Variants in SNAI3 observed in about 807,000 individuals in gnomAD.
The protein encoded by SNAI3 is snail family transcriptional repressor 3, also known as zinc finger protein SNAI3.
In SNAI3, 21 loss-of-function variants were observed where a neutral mutation model predicts 16.4. That is an observed-to-expected ratio of 1.28 (90% CI 0.91 to 1.85). The LOEUF is 1.85. Ranked by LOEUF, SNAI3 falls within the 40% of genes most tolerant of loss-of-function variation. The pLI is 0.00. For missense variants in SNAI3, 457 were observed against 372.8 expected, an observed-to-expected ratio of 1.23 and a Z score of -1.86; for synonymous variants, 202 against 166.6, an observed-to-expected ratio of 1.21 and a Z score of -1.64.
Position 88,681,468 on chromosome 16 carries a change from C to A in SNAI3, c.323G>T (p.Ser108Ile). Residue 108 changes from serine to isoleucine, a missense_variant, in exon 2 of 3, where the codon AGC becomes ATC. By Grantham distance (142) the Ser-to-Ile change is moderately radical (BLOSUM62 -2). Coordinates refer to ENST00000332281, the MANE Select transcript of SNAI3 (RefSeq NM_178310.4). The surrounding 1 kb of genome is among the most constrained non-coding windows in gnomAD (Gnocchi z 5.4). ...SRAAIVPLKD[S>I]LNHLNLPPLL... Reference sequence around the variant, plus strand: ...TGGGGGCAGGTTGAGGTGGTTCAGGCTGTCTTTGAGGGGTACAATGGCGGC... The same window carrying A: ...TGGGGGCAGGTTGAGGTGGTTCAGGATGTCTTTGAGGGGTACAATGGCGGC... 6.3e-7 allele frequency: 1 copy of A among 1,591,412 alleles called. No individual in the cohort carries two copies. The highest frequency in any genetic ancestry group is 1.7e-5 in the Admixed American group (1 of 59,042).
Position 88,678,245 on chromosome 16 carries a change from G to A in SNAI3, c.*203C>T, listed in dbSNP as rs1567625833. The stretch of plus-strand genomic sequence containing the variant: ...GGAGTCTCCTCTGAGTGGGCTCCGC[G>A]CGGTGGGATGCCTGGGGGAGTGTCC... On this transcript the variant is annotated 3_prime_UTR_variant, in exon 3 of 3. Transcript: ENST00000332281. The A allele has an allele frequency of 3.6e-6, 2 of 557,748 alleles. No individual in the cohort carries two copies. The highest frequency in any genetic ancestry group is 3.1e-5 in the East Asian group (1 of 32,720). 34.5% of individuals were successfully genotyped at this position (557,748 alleles called of 1,614,324 possible).
chr16:88,679,314 G>T (rs1259583984), intron 2 of SNAI3, among the ~76,000 whole-genome samples: 1 of 152,202 alleles, frequency 6.6e-6, no homozygotes, highest in Non-Finnish European at 1.5e-5. Flanking sequence ...GGGTGTGTGG[G>T]GGGTGTCGTC....
chr16:88,678,414 A>G lies in SNAI3; in HGVS notation c.*34T>C. The G allele has an allele frequency of 5.5e-6, 4 of 733,850 alleles. No individual in the cohort carries two copies. The highest frequency in any genetic ancestry group is 1.0e-5 in the Non-Finnish European group (4 of 400,150). 45.5% of individuals were successfully genotyped at this position (733,850 alleles called of 1,614,324 possible). On this transcript the variant is annotated 3_prime_UTR_variant, in exon 3 of 3. Transcript: ENST00000332281. ...AGGGACGCCAGCTCTCCCGGTGAGG[A>G]CCATCCCTCCTACCTGCGCCGACCA...
intron 2 of SNAI3, among the ~76,000 whole-genome samples, chr16:88,679,251 C>G (rs1473332547): frequency 2.6e-5 from 4 of 152,186 alleles, no homozygotes; most frequent in African/African-American, 9.6e-5. Context: ...TCCCCACACT[C>G]CTCACTCCCA....
At position 88,686,397 on chromosome 16, in the gene SNAI3, A is replaced by G. The variant is rs756272670; in HGVS notation, c.10T>C (p.Ser4Pro). 5.6e-6 allele frequency: 9 copies of G among 1,610,970 alleles called. No individual in the cohort carries two copies. In the Admixed American group the frequency reaches 1.2e-4, roughly 21 times the overall value. The change falls in exon 1 of 3, where the codon TCC becomes CCC. Residue 4 changes from serine (S) to proline (P), a missense_variant. Transcript: ENST00000332281. ...CTGGAGTGCGTTTTCACCAGGAAGGAGCGCGGCATGTTCCCCTCCCGGGCG... is the reference window on the plus strand; with the variant it reads ...CTGGAGTGCGTTTTCACCAGGAAGGGGCGCGGCATGTTCCCCTCCCGGGCG... MPR[S>P]FLVKTHSSHR...
At chr16:88,682,942 T>C (rs1006420554) in intron 1 of SNAI3, among the ~76,000 whole-genome samples, 1 of 151,174 alleles carries the variant, frequency 6.6e-6, no homozygotes, top group Non-Finnish European at 1.5e-5. Flanking sequence ...GCCCGGCTAA[T>C]TTTTTTGTAT....
chr16:88,686,089 C>T, intron 1 of SNAI3: 1 of 541,516 alleles, frequency 1.8e-6, no homozygotes, highest in Non-Finnish European at 3.3e-6. Context: ...ACTTAGAAAA[C>T]TTCTCCAAGT....
At position 88,681,299 on chromosome 16, in the gene SNAI3, C is replaced by T; in HGVS notation, c.492G>A (p.Leu164=). ...CFHCHKPYHT[L]AGLARHRQLH... The stretch of plus-strand genomic sequence containing the variant: ...GCTGCCGGTGCCTGGCCAGCCCGGC[C>T]AGCGTGTGGTAGGGTTTGTGGCAGT... Residue 164 remains leucine (L), a synonymous_variant, in exon 2 of 3, where the codon CTG becomes CTA. Transcript: ENST00000332281. The surrounding 1 kb of genome is among the most constrained non-coding windows in gnomAD (Gnocchi z 5.4). 1 of 1,613,336 alleles carries T rather than the reference C, an allele frequency of 6.2e-7. No homozygotes were observed. The highest frequency in any genetic ancestry group is 8.5e-7 in the Non-Finnish European group (1 of 1,179,924).
At position 88,681,023 on chromosome 16, in the gene SNAI3, T is replaced by C; in HGVS notation, c.697+71A>G. On this transcript the variant is annotated intron_variant, in intron 2 of 2. Transcript: ENST00000332281. The surrounding 1 kb of genome is among the most constrained non-coding windows in gnomAD (Gnocchi z 5.4). ...TTGTTTATAAAATCACCCCTCCTCC[T>C]TTTCTAACTCCCGCAGCCCACCCTC... is the stretch of plus-strand genomic sequence containing the variant. The C allele has an allele frequency of 6.5e-7, 1 of 1,549,356 alleles. No individual in the cohort carries two copies. The highest frequency in any genetic ancestry group is 2.3e-5 in the East Asian group (1 of 44,042).
At chr16:88,682,855 A>T (rs1179356151) in intron 1 of SNAI3, among the ~76,000 whole-genome samples, 2 of 131,774 alleles carry the variant, frequency 1.5e-5, no homozygotes, top group African/African-American at 5.8e-5. Context: ...GTTCACTGTA[A>T]CCTCCACCTC....
At chr16:88,685,884 T>A (rs1350175162) in intron 1 of SNAI3, 1 of 163,218 alleles carries the variant, frequency 6.1e-6, no homozygotes, top group Non-Finnish European at 1.3e-5. Flanking sequence ...ACACCCCCAG[T>A]CAGCATGCTC....
chr16:88,686,280 G>C (rs781293607), intron 1 of SNAI3, 51 bp downstream of exon 1: 1 of 1,590,160 alleles, frequency 6.3e-7, no homozygotes, highest in South Asian at 1.1e-5. Flanking sequence ...TCTCTCTCCC[G>C]CCCCTCAGGG....
At chr16:88,685,503 A>G (rs1013100661) in intron 1 of SNAI3, 2 of 152,236 alleles carry the variant, frequency 1.3e-5, no homozygotes, top group Non-Finnish European at 2.9e-5. Context: ...GGCGCCCCTC[A>G]GTGGGCCTTT....
rs1909157990 is a variant in SNAI3 at position 88,681,313 on chromosome 16, GT to G, written c.477del (p.Lys159AsnfsTer274). The G allele has an allele frequency of 6.2e-7, 1 of 1,613,252 alleles. No individual in the cohort carries two copies. The highest frequency in any genetic ancestry group is 8.5e-7 in the Non-Finnish European group (1 of 1,179,900). ...PGGFECFHCH[K>X]PYHTLAGLAR... The stretch of plus-strand genomic sequence containing the variant: ...GCCAGCCCGGCCAGCGTGTGGTAGG[GT>G]TTGTGGCAGTGGAAGCACTCAAAGC... On this transcript the variant is annotated frameshift_variant, in exon 2 of 3. Transcript: ENST00000332281. LOFTEE classifies it high-confidence loss of function. The surrounding 1 kb of genome is among the most constrained non-coding windows in gnomAD (Gnocchi z 5.4).
chr16:88,678,143 G>A lies in SNAI3; in HGVS notation c.*305C>T, dbSNP rs1021839684. 6.2e-6 allele frequency: 2 copies of A among 324,822 alleles called. No individual in the cohort carries two copies. The highest frequency in any genetic ancestry group is 2.1e-5 in the African/African-American group (1 of 46,786). 20.1% of individuals were successfully genotyped at this position (324,822 alleles called of 1,614,324 possible). On this transcript the variant is annotated 3_prime_UTR_variant, in exon 3 of 3. Coordinates refer to ENST00000332281, the MANE Select transcript of SNAI3 (RefSeq NM_178310.4). ...CACCTCCCCGAGGCTCTGACTCTTGGAAGGGTAGCCCCGGAGACCTGGCCG... is the reference window on the plus strand; with the variant it reads ...CACCTCCCCGAGGCTCTGACTCTTGAAAGGGTAGCCCCGGAGACCTGGCCG...
At chr16:88,682,314 G>A (rs919141573) in intron 1 of SNAI3, among the ~76,000 whole-genome samples, 2 of 152,258 alleles carry the variant, frequency 1.3e-5, no homozygotes, top group Non-Finnish European at 2.9e-5. Context: ...ACTCTACTGT[G>A]CTCTGAATGC....
chr16:88,680,997 ATTG>A, intron 2 of SNAI3, 94 bp downstream of exon 2: 1 of 1,481,316 alleles, frequency 6.8e-7, no homozygotes, highest in Non-Finnish European at 9.1e-7. Flanking sequence ...TGCCCATGCT[ATTG>A]TTTATAAAAT....
At position 88,678,661 on chromosome 16, in the gene SNAI3, A is replaced by G. The variant is rs559357361; in HGVS notation, c.698-32T>C. On this transcript the variant is annotated intron_variant, in intron 2 of 2. Coordinates refer to ENST00000332281, the MANE Select transcript of SNAI3 (RefSeq NM_178310.4). ...GAGGAAGGCGGCGGCCAGTGACACC[A>G]TGGAAGATGGAGTGAAGGCTAAAGC... 44 of 1,523,128 alleles carry G rather than the reference A, an allele frequency of 2.9e-5. 1 individual carries two copies. The East Asian group carries it at 9.5e-4, about 33-fold the overall frequency. The allele number at this position is 1,523,128 out of a possible 1,614,324, so 94.4% of individuals were successfully genotyped here.
At chr16:88,678,802 C>G in intron 2 of SNAI3, 173 bp from the exon 3 acceptor site, 1 of 985,484 alleles carries the variant, frequency 1.0e-6, no homozygotes, top group Non-Finnish European at 1.2e-6. Flanking sequence ...CCTGAAGCCC[C>G]TCCCAGGAGC....
Sources: allele counts gnomAD v4.1 joint callset (sites outside exome capture counted in the v4.1 genomes callset), GRCh38; gene constraint gnomAD v4.1.1; non-coding constraint Gnocchi (gnomAD v3.1); transcripts MANE v1.5; gene names NCBI Gene and HGNC (gene_info 2026-07-23, HGNC 2026-07-21).